MYO3B: variants seen among roughly 807,000 people sequenced by gnomAD.
The protein encoded by MYO3B is myosin-IIIb.
In MYO3B, 156 loss-of-function variants were observed where a neutral mutation model predicts 174.6. That is an observed-to-expected ratio of 0.89 (90% CI 0.78 to 1.02). MYO3B has a LOEUF of 1.02. Among genes scored for constraint, MYO3B ranks in the 50% least tolerant of loss-of-function variants. The pLI, the probability that MYO3B is intolerant of heterozygous loss-of-function variation, is 0.00. For missense variants in MYO3B, 1,632 were observed against 1,639.4 expected (o/e 1.00, Z 0.08); for synonymous variants, 563 against 569.1 (o/e 0.99, Z 0.15).
intron 32 of MYO3B, among the ~76,000 whole-genome samples, chr2:170,551,105 G>A (rs1690849271): frequency 6.6e-6 from 1 of 151,500 alleles, no homozygotes; most frequent in Admixed American, 6.6e-5. Context: ...TCACTATGCT[G>A]CCCAGCCTGG....
Position 170,313,105 on chromosome 2 carries a change from T to G in MYO3B, c.750-22280T>G, listed in dbSNP as rs75155912. Among the ~76,000 whole-genome samples, 630 of 152,328 alleles carry G rather than the reference T, an allele frequency of 4.1e-3. 1 individual carries two copies. The highest frequency in any genetic ancestry group is 0.014 in the African/African-American group (562 of 41,578). The stretch of plus-strand genomic sequence containing the variant: ...TAATTGGCATTCCTGCTTTCTAAAT[T>G]TGTGATTTTTTTGACTGTAATAAGA... On this transcript the variant is annotated intron_variant, in intron 7 of 34. Coordinates refer to ENST00000408978, the MANE Select transcript of MYO3B (RefSeq NM_138995.5).
At chr2:170,586,355 T>A (rs1158916644) in intron 32 of MYO3B, among the ~76,000 whole-genome samples, 1 of 152,222 alleles carries the variant, frequency 6.6e-6, no homozygotes, top group Admixed American at 6.5e-5. Context: ...CTCAGAGCAG[T>A]AATTTTCACA....
chr2:170,218,974 C>T (rs1003642784), intron 6 of MYO3B, among the ~76,000 whole-genome samples: 1 of 152,142 alleles, frequency 6.6e-6, no homozygotes, highest in Middle Eastern at 3.2e-3. Context: ...ATTACTTCCC[C>T]CAATTTACTT....
chr2:170,417,691 A>G (rs538252476), intron 22 of MYO3B, among the ~76,000 whole-genome samples: 4 of 151,056 alleles, frequency 2.6e-5, no homozygotes, highest in African/African-American at 9.7e-5. Flanking sequence ...TTCTGCACCA[A>G]CCCTCTGTCT....
At chr2:170,597,522 C>A (rs1242178776) in intron 32 of MYO3B, among the ~76,000 whole-genome samples, 1 of 152,152 alleles carries the variant, frequency 6.6e-6, no homozygotes, top group Admixed American at 6.5e-5. Context: ...TGGATCCTGC[C>A]TATTGTCCAT....
intron 8 of MYO3B, among the ~76,000 whole-genome samples, chr2:170,351,825 C>T (rs2094073206): frequency 6.6e-6 from 1 of 152,156 alleles, no homozygotes; most frequent in Non-Finnish European, 1.5e-5. Flanking sequence ...ATGTAGATAA[C>T]TACTAACTGT....
At chr2:170,587,758 A>G (rs1693574988) in intron 32 of MYO3B, among the ~76,000 whole-genome samples, 1 of 152,232 alleles carries the variant, frequency 6.6e-6, no homozygotes, top group African/African-American at 2.4e-5. Context: ...ACCTGACTAC[A>G]GTGTTGAATT....
At chr2:170,480,688 A>G (rs1685634189) in intron 25 of MYO3B, among the ~76,000 whole-genome samples, 1 of 152,194 alleles carries the variant, frequency 6.6e-6, no homozygotes, top group Non-Finnish European at 1.5e-5. Flanking sequence ...ATCTGACACT[A>G]TCTCCAGGTG....
chr2:170,649,416 A>C (rs1236223208), intron 32 of MYO3B, among the ~76,000 whole-genome samples: 3 of 84,478 alleles, frequency 3.6e-5, no homozygotes, highest in African/African-American at 1.3e-4. Context: ...AATATTACAT[A>C]TAAAATATAT....
At chr2:170,480,273 C>G (rs535247882) in intron 25 of MYO3B, among the ~76,000 whole-genome samples, 1 of 152,054 alleles carries the variant, frequency 6.6e-6, no homozygotes, top group Admixed American at 6.6e-5. Flanking sequence ...ATAAGACCCT[C>G]CCCAGAGAGG....
At chr2:170,649,124 G>GTATATTA (rs1258710116) in intron 32 of MYO3B, among the ~76,000 whole-genome samples, 37 of 20,000 alleles carry the variant, frequency 1.9e-3, no homozygotes, top group South Asian at 2.8e-3. Flanking sequence ...AATATATAAT[G>GTATATTA]TATATAAAAT....
At chr2:170,401,206 A>G (rs1488730305) in intron 17 of MYO3B, among the ~76,000 whole-genome samples, 2 of 152,208 alleles carry the variant, frequency 1.3e-5, no homozygotes, top group Non-Finnish European at 2.9e-5. Context: ...AGGGTAGAAT[A>G]CAGTCTGCAC....
Position 170,235,760 on chromosome 2 carries a change from A to G in MYO3B, c.604-231A>G, listed in dbSNP as rs113483034. On this transcript the variant is annotated intron_variant, in intron 6 of 34. Transcript: ENST00000408978. ...CTGTTCTTGTTACTTAGACGGTTCA[A>G]TGCATGCTTTTTAAAAACAAAACTG... is the stretch of plus-strand genomic sequence containing the variant. Among the ~76,000 whole-genome samples, 672 of 152,338 alleles carry G rather than the reference A, an allele frequency of 4.4e-3. 6 individuals are homozygous for G. Among genetic ancestry groups the G allele is most frequent in the Middle Eastern group, 0.031 (9 of 294 alleles).
intron 32 of MYO3B, among the ~76,000 whole-genome samples, chr2:170,575,796 GA>G (rs1692747984): frequency 6.6e-6 from 1 of 151,972 alleles, no homozygotes; most frequent in Admixed American, 6.6e-5. Context: ...AAAATACAAG[GA>G]AAAAGCATTT....
intron 32 of MYO3B, among the ~76,000 whole-genome samples, chr2:170,604,102 G>C (rs1175174359): frequency 6.6e-6 from 1 of 152,110 alleles, no homozygotes; most frequent in Non-Finnish European, 1.5e-5. Flanking sequence ...TACACTATAG[G>C]TTATTCCAAT....
At chr2:170,257,318 A>T (rs1379410253) in intron 7 of MYO3B, among the ~76,000 whole-genome samples, 5 of 152,166 alleles carry the variant, frequency 3.3e-5, no homozygotes, top group African/African-American at 1.2e-4. Flanking sequence ...ACATACTCTG[A>T]TCAACTGCAT....
rs948046961 is a variant in MYO3B at position 170,544,840 on chromosome 2, C to T, written c.3733+852C>T. Among the ~76,000 whole-genome samples the T allele has an allele frequency of 3.9e-5, 6 of 151,906 alleles. No individual in the cohort carries two copies. In the South Asian group the frequency reaches 6.2e-4, roughly 16 times the overall value. ...ATGGACATGTAGTAAATGATAAACC[C>T]GACAAAGGAAATATTTTCCTCATAG... is the stretch of plus-strand genomic sequence containing the variant. On this transcript the variant is annotated intron_variant, in intron 32 of 34. Coordinates refer to ENST00000408978, the MANE Select transcript of MYO3B (RefSeq NM_138995.5).
intron 30 of MYO3B, among the ~76,000 whole-genome samples, chr2:170,525,192 G>C (rs1389760494): frequency 6.6e-6 from 1 of 152,212 alleles, no homozygotes; most frequent in Non-Finnish European, 1.5e-5. Flanking sequence ...ATCTGTGCAT[G>C]ATGGGACAGA....
chr2:170,464,928 G>A (rs1478064529), intron 24 of MYO3B, among the ~76,000 whole-genome samples: 1 of 151,828 alleles, frequency 6.6e-6, no homozygotes, highest in African/African-American at 2.4e-5. Context: ...GTTCAGTGGT[G>A]CCATCTAGGT....
Sources: gnomAD v4.1 joint callset for allele counts (sites outside exome capture counted in the v4.1 genomes callset) on GRCh38, gnomAD v4.1.1 for gene constraint, MANE v1.5 for transcripts, NCBI Gene and HGNC (gene_info 2026-07-23, HGNC 2026-07-21) for gene names.